Variants in MROH2A observed in about 807,000 individuals in gnomAD.
The protein encoded by MROH2A is maestro heat-like repeat-containing protein family member 2A.
In MROH2A, 174 loss-of-function variants were observed where a neutral mutation model predicts 200.4. The ratio of observed to expected loss-of-function variants is 0.87; its 90% confidence interval spans 0.77 to 0.98. The LOEUF is 0.98. Among genes scored for constraint, MROH2A ranks in the 50% least tolerant of loss-of-function variants. The probability of loss-of-function intolerance (pLI) is 0.00; values close to 1 mark genes in which losing one functional copy is unlikely to be tolerated. For synonymous variants in MROH2A, 829 were observed against 840.4 expected, an observed-to-expected ratio of 0.99 and a Z score of 0.23; for missense variants, 2,045 against 2,139.6, an observed-to-expected ratio of 0.96 and a Z score of 0.87.
chr2:233,799,261 G>C (rs542503804), intron 12 of MROH2A, among the ~76,000 whole-genome samples: 6 of 152,346 alleles, frequency 3.9e-5, no homozygotes, highest in Admixed American at 1.3e-4. Context: ...TTGGAGTGGA[G>C]CTTGGTTCTG....
Position 233,795,739 on chromosome 2 carries a change from C to T in MROH2A, c.1053C>T (p.His351=), listed in dbSNP as rs757537366. Residue 351 remains histidine (H), a synonymous_variant, in exon 9 of 42, where the codon CAC becomes CAT. Transcript: ENST00000389758. ...MQLHTIFTEL[H]VQVCNKAPAQ... is the part of the protein sequence containing the mutation. ...TACACACCATTTTCACAGAACTGCACGTCCAGGTGAGGCCAGCAAGCTCAG... is the reference window on the plus strand; with the variant it reads ...TACACACCATTTTCACAGAACTGCATGTCCAGGTGAGGCCAGCAAGCTCAG... 21 of 1,550,986 alleles carry T rather than the reference C, an allele frequency of 1.4e-5. No individual in the cohort carries two copies. Among genetic ancestry groups the T allele is most frequent in the South Asian group, 4.8e-5 (4 of 84,058 alleles).
intron 14 of MROH2A, among the ~76,000 whole-genome samples, chr2:233,800,933 C>T (rs950023357): frequency 6.6e-6 from 1 of 152,152 alleles, no homozygotes; most frequent in African/African-American, 2.4e-5. Context: ...TGTCCAGCGA[C>T]AGCTTTTTTT....
intron 38 of MROH2A, among the ~76,000 whole-genome samples, chr2:233,831,076 G>A (rs1442301192): frequency 3.9e-5 from 6 of 152,190 alleles, no homozygotes; most frequent in East Asian, 1.9e-4. Flanking sequence ...GTGAGGACAC[G>A]TGCCCAGTCT....
intron 23 of MROH2A, 87 bp from the exon 24 acceptor site, chr2:233,811,793 G>A (rs545588615): frequency 2.4e-6 from 2 of 850,836 alleles, no homozygotes; most frequent in East Asian, 2.7e-5. Flanking sequence ...ACTTTGGGAA[G>A]TGCCAGGTCT....
chr2:233,811,230 G>A (rs1008785829), intron 23 of MROH2A, among the ~76,000 whole-genome samples: 22 of 152,224 alleles, frequency 1.4e-4, no homozygotes, highest in African/African-American at 4.8e-5. Context: ...TAGCTTCCCT[G>A]TCTCTCCGTG....
At position 233,822,963 on chromosome 2, in the gene MROH2A, TG is replaced by T; in HGVS notation, c.3952del (p.Asp1318ThrfsTer13). 1 of 1,550,552 alleles carries T rather than the reference TG, an allele frequency of 6.4e-7. No individual in the cohort carries two copies. Among genetic ancestry groups the T allele is most frequent in the Non-Finnish European group, 8.7e-7 (1 of 1,146,958 alleles). On this transcript the variant is annotated frameshift_variant, in exon 34 of 42. Transcript: ENST00000389758. LOFTEE classifies it high-confidence loss of function. ...LAHTLDEQAV[W>X]DLLQDGGTFL... ...ACATACCCTGGACGAGCAGGCAGTG[TG>T]GGACCTCCTGCAGGACGGCGGGACA...
intron 1 of MROH2A, among the ~76,000 whole-genome samples, chr2:233,778,739 A>G (rs1700789694): frequency 6.6e-6 from 1 of 152,252 alleles, no homozygotes; most frequent in Non-Finnish European, 1.5e-5. Context: ...GCCATTAATT[A>G]TCAGTGTGTA....
Position 233,823,566 on chromosome 2 carries a change from C to A in MROH2A, c.4015C>A (p.Gln1339Lys). 2 of 1,550,130 alleles carry A rather than the reference C, an allele frequency of 1.3e-6. No individual in the cohort carries two copies. Among genetic ancestry groups the A allele is most frequent in the Non-Finnish European group, 1.7e-6 (2 of 1,146,936 alleles). Reference sequence around the variant, plus strand: ...GTCTCTCCTCTGCAGGCTGTGCATGCAGCACGTGGAGGGCCACAGGCAGAG... The same window carrying A: ...GTCTCTCCTCTGCAGGCTGTGCATGAAGCACGTGGAGGGCCACAGGCAGAG... ...GVSLLARLCMQHVEGHRQRLA... is the reference protein window; with the variant it reads ...GVSLLARLCMKHVEGHRQRLA... The change falls in exon 35 of 42, where the codon CAG becomes AAG. Residue 1339 changes from glutamine (Q) to lysine (K), a missense_variant. This residue lies in a region of MROH2A where 1,201 missense variants were observed against 1,311.3 expected (regional missense o/e 0.92). Coordinates refer to ENST00000389758, the MANE Select transcript of MROH2A (RefSeq NM_001394639.1).
chr2:233,791,087 T>A (rs982508820), intron 5 of MROH2A, among the ~76,000 whole-genome samples: 1 of 151,540 alleles, frequency 6.6e-6, no homozygotes, highest in African/African-American at 2.4e-5. Context: ...CTCTGAAGAG[T>A]TGAGAAGTGG....
Position 233,818,753 on chromosome 2 carries a change from TC to T in MROH2A, c.3189del (p.Ser1064ProfsTer30). ...AGATGTGGAGAAGATCTTCTGTGCA[TC>T]CTCCAGAATCGCCAAGGTGACAGCC... Reference protein sequence around the residue: ...STDVEKIFCASSRIAKVVCME... With the variant: ...STDVEKIFCAXSRIAKVVCME... On this transcript the variant is annotated frameshift_variant, in exon 29 of 42. Transcript: ENST00000389758. LOFTEE classifies it high-confidence loss of function. The T allele has an allele frequency of 6.5e-7, 1 of 1,547,308 alleles. No homozygotes were observed. Among genetic ancestry groups the T allele is most frequent in the Non-Finnish European group, 8.7e-7 (1 of 1,144,252 alleles).
intron 38 of MROH2A, among the ~76,000 whole-genome samples, chr2:233,830,841 C>T (rs1412547722): frequency 6.6e-6 from 1 of 152,238 alleles, no homozygotes; most frequent in African/African-American, 2.4e-5. Flanking sequence ...CAGTCCTCAC[C>T]ACCCTCTGTC....
In MROH2A at chr2:233,828,827, G is replaced by A. The variant is rs754295006; in HGVS notation, c.4263+48G>A. The A allele has an allele frequency of 9.7e-6, 15 of 1,549,340 alleles. No individual in the cohort carries two copies. The Admixed American group carries it at 2.7e-4, about 28-fold the overall frequency. On this transcript the variant is annotated intron_variant, in intron 36 of 41. Coordinates refer to ENST00000389758, the MANE Select transcript of MROH2A (RefSeq NM_001394639.1). This position sits in a 1 kb window ranked among gnomAD's most constrained non-coding sequence, Gnocchi z 4.6. ...CAGGTCCCGGGAGCTGAGGGTGCAG[G>A]CCGGGTGCCCTGGTCAGCCTGGGAG...
intron 14 of MROH2A, 71 bp from the exon 15 acceptor site, chr2:233,802,097 C>T: frequency 6.8e-7 from 1 of 1,462,146 alleles, no homozygotes. Context: ...ATGGCAGAGC[C>T]TGACTGTTCT....
chr2:233,788,139 A>T (rs1701486717), intron 3 of MROH2A, among the ~76,000 whole-genome samples: 1 of 108,136 alleles, frequency 9.2e-6, no homozygotes, highest in South Asian at 2.6e-4. Context: ...TATTTTATAT[A>T]TATATAATAT....
Position 233,823,575 on chromosome 2 carries a change from G to A in MROH2A, c.4024G>A (p.Glu1342Lys), listed in dbSNP as rs1203771751. 1.9e-6 allele frequency: 3 copies of A among 1,550,156 alleles called. No individual in the cohort carries two copies. In the African/African-American group the frequency reaches 4.1e-5, roughly 21 times the overall value. ...CTGCAGGCTGTGCATGCAGCACGTG[G>A]AGGGCCACAGGCAGAGGCTGGCCGA... ...LLARLCMQHVEGHRQRLAELV... is the reference protein window; with the variant it reads ...LLARLCMQHVKGHRQRLAELV... The change falls in exon 35 of 42, where the codon GAG becomes AAG. Residue 1342 changes from glutamate to lysine, a missense_variant. Coordinates refer to ENST00000389758, the MANE Select transcript of MROH2A (RefSeq NM_001394639.1).
chr2:233,794,873 G>A (rs139141168), intron 8 of MROH2A, among the ~76,000 whole-genome samples: 6 of 152,042 alleles, frequency 3.9e-5, no homozygotes, highest in African/African-American at 9.7e-5. Context: ...TCAGGGTGTC[G>A]GCAGGGCTGT....
chr2:233,804,058 T>C lies in MROH2A; in HGVS notation c.1757T>C (p.Met586Thr). Reference protein sequence around the residue: ...QKLLARLLVLMSSPYKGEGRG... With the variant: ...QKLLARLLVLTSSPYKGEGRG... ...AGCCTTGGTGCCCTCCAGGTGCTGA[T>C]GTCATCACCTTACAAGGGGGAGGGT... The change falls in exon 17 of 42, where the codon ATG becomes ACG. Residue 586 changes from methionine to threonine, a missense_variant. By Grantham distance (81) the Met-to-Thr change is moderately conservative (BLOSUM62 -1). Around this residue, in one of 3 missense-constraint regions of MROH2A, gnomAD observed 831 missense variants for 800.0 expected, o/e 1.04. Transcript: ENST00000389758. The C allele has an allele frequency of 1.3e-6, 2 of 1,550,534 alleles. No homozygotes were observed. Among genetic ancestry groups the C allele is most frequent in the South Asian group, 1.2e-5 (1 of 84,062 alleles).
chr2:233,830,165 T>C (rs1306272856), intron 38 of MROH2A, among the ~76,000 whole-genome samples: 1 of 152,202 alleles, frequency 6.6e-6, no homozygotes, highest in African/African-American at 2.4e-5. Context: ...CATGTTGGGA[T>C]GGGAGCGGGC....
At chr2:233,777,131 G>C (rs776701873), upstream of MROH2A, among the ~76,000 whole-genome samples, 1 of 152,158 alleles carries the variant, frequency 6.6e-6, no homozygotes, top group African/African-American at 2.4e-5. Context: ...TATAATAATC[G>C]GTTGTTTTCA....
Sources: allele counts gnomAD v4.1 joint callset (sites outside exome capture counted in the v4.1 genomes callset), GRCh38; gene constraint gnomAD v4.1.1; regional missense constraint gnomAD v4.1.1; non-coding constraint Gnocchi (gnomAD v3.1); transcripts MANE v1.5; gene names NCBI Gene and HGNC (gene_info 2026-07-23, HGNC 2026-07-21).